Variants in PTPRN2 observed in about 807,000 individuals in gnomAD.
The protein encoded by PTPRN2 is receptor-type tyrosine-protein phosphatase N2.
In PTPRN2, 74 loss-of-function variants were observed where a neutral mutation model predicts 118.8. The ratio of observed to expected loss-of-function variants is 0.62; its 90% CI spans 0.52 to 0.76. The LOEUF (loss-of-function observed/expected upper bound fraction) is 0.76, where lower values mean the gene tolerates loss of function less well. Ranked by LOEUF, PTPRN2 falls within the 30% of genes least tolerant of loss-of-function variation. PTPRN2 has a pLI of 0.00. For missense variants in PTPRN2, 1,481 were observed against 1,394.4 expected, an observed-to-expected ratio of 1.06 and a Z score of -0.99; for synonymous variants, 641 against 608.0, an observed-to-expected ratio of 1.05 and a Z score of -0.80.
At chr7:157,835,240 C>T (rs1483753481) in intron 12 of PTPRN2, among the ~76,000 whole-genome samples, 1 of 152,156 alleles carries the variant, frequency 6.6e-6, no homozygotes, top group Non-Finnish European at 1.5e-5. Context: ...GCAAGACACA[C>T]AGCCTCTCTA....
intron 17 of PTPRN2, among the ~76,000 whole-genome samples, chr7:157,584,583 C>A (rs961372474): frequency 6.6e-6 from 1 of 152,254 alleles, no homozygotes; most frequent in Non-Finnish European, 1.5e-5. Context: ...GATGCATTTC[C>A]TCCAGAGCAG....
In PTPRN2 at chr7:157,550,772, C is replaced by T. The variant is rs1026615586; in HGVS notation, c.2903-1753G>A. Among the ~76,000 whole-genome samples the T allele has an allele frequency of 3.3e-5, 5 of 152,176 alleles. No homozygotes were observed. The highest frequency in any genetic ancestry group is 7.2e-5 in the African/African-American group (3 of 41,448). On this transcript the variant is annotated intron_variant, in intron 21 of 22. Transcript: ENST00000389418. This position sits in a 1 kb window ranked among gnomAD's most constrained non-coding sequence, Gnocchi z 5.2. ...TTTCTTTTGCGGCAGCCCGTGAGCT[C>T]GGCCACCAGGGAACTAGCTGGCAGC...
In PTPRN2 at chr7:158,523,214, C is replaced by G. The variant is rs375653389; in HGVS notation, c.113-33429G>C. Among the ~76,000 whole-genome samples, 250 of 152,224 alleles carry G rather than the reference C, an allele frequency of 1.6e-3. 2 individuals carry two copies. In the South Asian group the frequency reaches 0.022, roughly 13 times the overall value. On this transcript the variant is annotated intron_variant, in intron 1 of 22. Coordinates refer to ENST00000389418, the MANE Select transcript of PTPRN2 (RefSeq NM_002847.5). The stretch of plus-strand genomic sequence containing the variant: ...CAGCCAGGTTGGGGTCTGGGGAGCC[C>G]CAGTGTGACCAGGGGCGGGGGTGGT...
At chr7:158,355,485 G>A (rs151337771) in intron 2 of PTPRN2, among the ~76,000 whole-genome samples, 598 of 152,304 alleles carry the variant, frequency 3.9e-3, no homozygotes, top group African/African-American at 6.5e-3. Flanking sequence ...TCATCTGTCC[G>A]TTTGTGTCAA....
At chr7:158,507,788 C>A in intron 1 of PTPRN2, among the ~76,000 whole-genome samples, 1 of 151,444 alleles carries the variant, frequency 6.6e-6, no homozygotes, top group East Asian at 1.9e-4. Context: ...GAGGACCATC[C>A]AGGGAACAGC....
At chr7:157,822,343 ATCCG>A (rs1476712437) in intron 12 of PTPRN2, among the ~76,000 whole-genome samples, 1 of 151,352 alleles carries the variant, frequency 6.6e-6, no homozygotes, top group East Asian at 2.0e-4. Flanking sequence ...CCATCCATCC[ATCCG>A]TCCATCCATC....
chr7:157,658,642 G>T (rs932764417), intron 13 of PTPRN2, among the ~76,000 whole-genome samples: 2 of 152,208 alleles, frequency 1.3e-5, no homozygotes, highest in Non-Finnish European at 2.9e-5. Flanking sequence ...TGCAGCCTGG[G>T]TGCCCCCCTG....
intron 6 of PTPRN2, among the ~76,000 whole-genome samples, chr7:158,139,511 C>T (rs1317179048): frequency 1.3e-5 from 2 of 151,914 alleles, no homozygotes; most frequent in African/African-American, 4.8e-5. Flanking sequence ...GGGAAAGGAA[C>T]CAGAAACACC....
intron 19 of PTPRN2, among the ~76,000 whole-genome samples, chr7:157,572,110 T>C (rs534246023): frequency 3.3e-5 from 5 of 152,322 alleles, no homozygotes; most frequent in Middle Eastern, 3.4e-3. Context: ...GTTGTAAAAA[T>C]TAGAAATGAG....
intron 2 of PTPRN2, among the ~76,000 whole-genome samples, chr7:158,333,598 C>G (rs1235406187): frequency 6.6e-6 from 1 of 151,456 alleles, no homozygotes; most frequent in Non-Finnish European, 1.5e-5. Flanking sequence ...TCACACACAC[C>G]CACACTCTCA....
chr7:157,985,508 T>C (rs1240486203), intron 11 of PTPRN2, among the ~76,000 whole-genome samples: 6 of 152,176 alleles, frequency 3.9e-5, no homozygotes, highest in African/African-American at 1.4e-4. Flanking sequence ...ACTATGTCAC[T>C]CAAAATGGGA....
chr7:157,911,848 G>A (rs1461495014), intron 11 of PTPRN2, among the ~76,000 whole-genome samples: 2 of 148,402 alleles, frequency 1.3e-5, no homozygotes, highest in Non-Finnish European at 3.0e-5. Context: ...GTTCTGTGAT[G>A]TGCCTTCCGT....
At chr7:158,092,816 G>C (rs947666126) in intron 10 of PTPRN2, among the ~76,000 whole-genome samples, 1 of 152,120 alleles carries the variant, frequency 6.6e-6, no homozygotes, top group African/African-American at 2.4e-5. Context: ...CCTCAGCCTC[G>C]AGGTAGAGGC....
chr7:157,551,248 C>T (rs1352476351), intron 21 of PTPRN2, among the ~76,000 whole-genome samples: 1 of 152,104 alleles, frequency 6.6e-6, no homozygotes, highest in Non-Finnish European at 1.5e-5. Flanking sequence ...TTGTCTGTTG[C>T]ACCCGTGACT....
intron 2 of PTPRN2, among the ~76,000 whole-genome samples, chr7:158,354,824 AAGTC>A (rs1434870870): frequency 7.2e-5 from 11 of 152,314 alleles, no homozygotes; most frequent in Admixed American, 7.2e-4. Flanking sequence ...AGATTCGGGA[AAGTC>A]AGAGAACACC....
At chr7:158,313,452 A>AGGCCATG (rs1802038107) in intron 3 of PTPRN2, among the ~76,000 whole-genome samples, 1 of 152,212 alleles carries the variant, frequency 6.6e-6, no homozygotes. Flanking sequence ...GGAGCTGGGC[A>AGGCCATG]GAGGGCTCCA....
At chr7:158,232,085 A>C (rs1829193384) in intron 3 of PTPRN2, among the ~76,000 whole-genome samples, 1 of 152,164 alleles carries the variant, frequency 6.6e-6, no homozygotes. Context: ...CCAAACCTAA[A>C]ATGAGTAGAA....
intron 11 of PTPRN2, among the ~76,000 whole-genome samples, chr7:157,939,997 A>C (rs75607958): frequency 6.6e-6 from 1 of 152,324 alleles, no homozygotes; most frequent in East Asian, 1.9e-4. Context: ...GTGTCGCCGC[A>C]TGGGCAGCAG....
chr7:158,439,774 A>G (rs1466405867), intron 2 of PTPRN2, among the ~76,000 whole-genome samples: 1 of 152,212 alleles, frequency 6.6e-6, no homozygotes, highest in Non-Finnish European at 1.5e-5. Flanking sequence ...GACCAACAAG[A>G]TGGCCCAGTC....
Sources: gnomAD v4.1 joint callset for allele counts (sites outside exome capture counted in the v4.1 genomes callset) on GRCh38, gnomAD v4.1.1 for gene constraint, Gnocchi (gnomAD v3.1) non-coding constraint, MANE v1.5 for transcripts, NCBI Gene and HGNC (gene_info 2026-07-23, HGNC 2026-07-21) for gene names.